SMC4: variants seen among roughly 807,000 people sequenced by gnomAD.
SMC4 encodes the protein structural maintenance of chromosomes protein 4.
A neutral mutation model predicts 145.6 loss-of-function variants in SMC4; 87 were observed. The observed-to-expected ratio is 0.60, with a 90% CI of 0.50 to 0.71. The LOEUF (loss-of-function observed/expected upper bound fraction) is 0.71, where lower values mean the gene tolerates loss of function less well. Ranked by LOEUF, SMC4 falls within the 30% of genes least tolerant of loss-of-function variation. The pLI is 0.00. For missense variants in SMC4, 1,447 were observed against 1,537.1 expected (o/e 0.94, Z 0.98); for synonymous variants, 558 against 500.7 (o/e 1.11, Z -1.53).
chr3:160,429,237 G>A (rs552117006), intron 18 of SMC4, among the ~76,000 whole-genome samples: 1 of 152,272 alleles, frequency 6.6e-6, no homozygotes, highest in South Asian at 2.1e-4. Flanking sequence ...CGGGGAGGGA[G>A]TAGTTGGTCC....
chr3:160,401,153 A>T (rs1297284193), intron 2 of SMC4, among the ~76,000 whole-genome samples, 188 bp downstream of exon 2: 1 of 151,950 alleles, frequency 6.6e-6, no homozygotes, highest in African/African-American at 2.4e-5. Context: ...TTTTGGTGTA[A>T]CGGCGCTGGA....
Position 160,424,892 on chromosome 3 carries a change from A to G in SMC4, c.2351A>G (p.Gln784Arg). The change falls in exon 16 of 24, where the codon CAA (glutamine) becomes CGA (arginine). Residue 784 changes from glutamine to arginine, a missense_variant. Gln to Arg is a conservative substitution (Grantham distance 43). Transcript: ENST00000357388. ...GTAAACAAAATGGAATCACAGTTGC[A>G]AAACGACTCTAAAAAAGCAATGCAA... ...EEVNKMESQLQNDSKKAMQIQ... is the reference protein window; with the variant it reads ...EEVNKMESQLRNDSKKAMQIQ... 25 of 1,614,132 alleles carry G rather than the reference A, an allele frequency of 1.5e-5. No individual in the cohort carries two copies. The highest frequency in any genetic ancestry group is 2.1e-5 in the Non-Finnish European group (25 of 1,180,012).
chr3:160,426,463 G>T (rs1717805975), intron 17 of SMC4, among the ~76,000 whole-genome samples: 1 of 152,124 alleles, frequency 6.6e-6, no homozygotes, highest in South Asian at 2.1e-4. Flanking sequence ...GTCATACTTT[G>T]TATACTTTGG....
rs747362001 is a variant in SMC4, at chr3:160,423,764, C to T, written c.2249C>T (p.Thr750Ile). ...LQGQIIEQSG[T>I]MTGGGSKVMK... Reference sequence around the variant, plus strand: ...ACTTCTCTCCCCTGTTTTCCAGGTACAATGACTGGTGGTGGAAGCAAAGTA... The same window carrying T: ...ACTTCTCTCCCCTGTTTTCCAGGTATAATGACTGGTGGTGGAAGCAAAGTA... Residue 750 changes from threonine (T) to isoleucine (I), a missense_variant, in exon 15 of 24, where the codon ACA becomes ATA. Transcript: ENST00000357388. The T allele has an allele frequency of 1.9e-6, 3 of 1,612,902 alleles. No individual in the cohort carries two copies. Among genetic ancestry groups the T allele is most frequent in the Admixed American group, 1.7e-5 (1 of 59,870 alleles).
chr3:160,400,177 T>C (rs956453842), intron 1 of SMC4: 1 of 152,318 alleles, frequency 6.6e-6, no homozygotes, highest in African/African-American at 2.4e-5. Context: ...ACTCCAAAAT[T>C]AGCAAGCGCT....
At chr3:160,432,546 CTG>C in intron 22 of SMC4, 31 bp downstream of exon 22, 1 of 1,329,988 alleles carries the variant, frequency 7.5e-7, no homozygotes, top group Non-Finnish European at 1.0e-6. Flanking sequence ...TATAATCCCA[CTG>C]TTACCTTTTT....
chr3:160,422,758 G>C lies in SMC4; in HGVS notation c.2020-667G>C, dbSNP rs146958851. On this transcript the variant is annotated intron_variant, in intron 13 of 23. Coordinates refer to ENST00000357388, the MANE Select transcript of SMC4 (RefSeq NM_001002800.3). ...AAGGTCACAGTGATTTGCCTCCTTT[G>C]TTTTCTTCTAAAAGTTCTATAGTTT... 9.6e-4 allele frequency among the ~76,000 whole-genome samples: 146 copies of C among 152,028 alleles called. 1 individual carries two copies. The highest frequency in any genetic ancestry group is 3.4e-3 in the African/African-American group (141 of 41,488).
intron 8 of SMC4, 132 bp downstream of exon 8, chr3:160,413,745 GA>G (rs200512369): frequency 0.015 from 6,324 of 429,996 alleles, no homozygotes; most frequent in South Asian, 0.02. Flanking sequence ...CCCCCTTAGT[GA>G]AAAAAAAAAA....
chr3:160,405,446 A>G (rs764434871), intron 5 of SMC4, among the ~76,000 whole-genome samples: 4 of 152,100 alleles, frequency 2.6e-5, no homozygotes, highest in Non-Finnish European at 5.9e-5. Flanking sequence ...TTTGTGATGC[A>G]GAAATGACTG....
At chr3:160,426,237 A>C (rs1407214715) in intron 17 of SMC4, 37 bp downstream of exon 17, 1 of 1,518,044 alleles carries the variant, frequency 6.6e-7, no homozygotes, top group Non-Finnish European at 8.9e-7. Flanking sequence ...GGGGGAAAAA[A>C]AAAACAGGTT....
At chr3:160,431,939 C>A in intron 21 of SMC4, 114 bp downstream of exon 21, 2 of 1,099,140 alleles carry the variant, frequency 1.8e-6, no homozygotes, top group South Asian at 3.0e-5. Context: ...TGGTGGCTCA[C>A]GCCTGTAATC....
At chr3:160,428,185 C>T (rs539182109) in intron 17 of SMC4, among the ~76,000 whole-genome samples, 6 of 152,300 alleles carry the variant, frequency 3.9e-5, no homozygotes, top group Non-Finnish European at 5.9e-5. Context: ...TTGTTTATGC[C>T]TTCCAAATTA....
intron 3 of SMC4, 60 bp from the exon 4 acceptor site, chr3:160,402,616 A>G (rs761043154): frequency 2.1e-5 from 31 of 1,492,050 alleles, no homozygotes; most frequent in Non-Finnish European, 2.8e-5. Flanking sequence ...AGTTAAAATC[A>G]GTAGTATTAG....
chr3:160,433,137 C>A lies in SMC4; in HGVS notation c.3642C>A (p.Pro1214=). The A allele has an allele frequency of 1.2e-6, 2 of 1,613,676 alleles. No individual in the cohort carries two copies. Among genetic ancestry groups the A allele is most frequent in the Admixed American group, 3.3e-5 (2 of 60,012 alleles). Residue 1214 remains proline (P), a synonymous_variant, in exon 23 of 24, where the codon CCC becomes CCA. Coordinates refer to ENST00000357388, the MANE Select transcript of SMC4 (RefSeq NM_001002800.3). ...VFALHHYKPT[P]LYFMDEIDAA... ...CTCTTCACCACTACAAGCCCACTCCCCTTTACTTCATGGATGAGATTGATG... is the reference window on the plus strand; with the variant it reads ...CTCTTCACCACTACAAGCCCACTCCACTTTACTTCATGGATGAGATTGATG...
At chr3:160,423,302 C>G (rs1717379309) in intron 13 of SMC4, 123 bp from the exon 14 acceptor site, 1 of 726,022 alleles carries the variant, frequency 1.4e-6, no homozygotes, top group Admixed American at 3.2e-5. Context: ...AATTTTAGAA[C>G]CTTTTGTGTA....
chr3:160,412,690 C>T, intron 7 of SMC4: 1 of 800,212 alleles, frequency 1.2e-6, no homozygotes, highest in Non-Finnish European at 1.6e-6. Context: ...AGCAAGACCC[C>T]ATCTCTACAA....
At chr3:160,405,319 G>GGA (rs34981287) in intron 5 of SMC4, among the ~76,000 whole-genome samples, 16 of 148,156 alleles carry the variant, frequency 1.1e-4, no homozygotes, top group African/African-American at 1.7e-4. Context: ...GAATTTTTCG[G>GGA]AAAAAAAAAA....
chr3:160,401,004 T>G lies in SMC4; in HGVS notation c.139+39T>G, dbSNP rs1159145460. On this transcript the variant is annotated intron_variant, in intron 2 of 23. Coordinates refer to ENST00000357388, the MANE Select transcript of SMC4 (RefSeq NM_001002800.3). Reference sequence around the variant, plus strand: ...CGCGACTCGGCGGGAACGCGCGCTGTGGGACTGGCAGGCAAACGCGCCCAG... The same window carrying G: ...CGCGACTCGGCGGGAACGCGCGCTGGGGGACTGGCAGGCAAACGCGCCCAG... 5.1e-6 allele frequency: 7 copies of G among 1,366,834 alleles called. No homozygotes were observed. The African/African-American group carries it at 9.2e-5, about 18-fold the overall frequency. The allele number at this position is 1,366,834 out of a possible 1,614,324, so 84.7% of individuals were successfully genotyped here. A position where few individuals can be genotyped will look rare whatever the true frequency, so the allele number is the denominator to read the frequency against.
At chr3:160,402,495 T>C (rs1714811115) in intron 3 of SMC4, among the ~76,000 whole-genome samples, 181 bp from the exon 4 acceptor site, 2 of 152,198 alleles carry the variant, frequency 1.3e-5, no homozygotes, top group Non-Finnish European at 2.9e-5. Flanking sequence ...TGTTGAAGCT[T>C]TTAAGAGAGA....
Sources: allele counts gnomAD v4.1 joint callset (sites outside exome capture counted in the v4.1 genomes callset), GRCh38; gene constraint gnomAD v4.1.1; transcripts MANE v1.5; gene names NCBI Gene and HGNC (gene_info 2026-07-23, HGNC 2026-07-21).